The following DNAH5 variants were observed in gnomAD, a reference collection of about 807,000 sequenced individuals.
The protein encoded by DNAH5 is axonemal beta dynein heavy chain 5.
DNAH5 carries 372 observed loss-of-function variants against 518.2 expected under a neutral mutation model. The ratio of observed to expected loss-of-function variants is 0.72; its 90% CI spans 0.66 to 0.78. DNAH5 has a LOEUF of 0.78. Ranked by LOEUF, DNAH5 falls within the 30% of genes least tolerant of loss-of-function variation. DNAH5 has a pLI of 0.00. For missense variants in DNAH5, 5,523 were observed against 5,687.0 expected (o/e 0.97, Z 0.93); for synonymous variants, 2,039 against 2,025.9 (o/e 1.01, Z -0.17).
In DNAH5 at chr5:13,796,291, T is replaced by C. The variant is rs554721894; in HGVS notation, c.7888-2233A>G. On this transcript the variant is annotated intron_variant, in intron 47 of 78. Transcript: ENST00000265104. Reference sequence around the variant, plus strand: ...GTTTGCAGATGACATGGTTGTATATTTAGAAAACACCATTGTCTCAGCCCA... The same window carrying C: ...GTTTGCAGATGACATGGTTGTATATCTAGAAAACACCATTGTCTCAGCCCA... Among the ~76,000 whole-genome samples the C allele has an allele frequency of 1.1e-4, 16 of 152,234 alleles. 1 individual carries two copies. The South Asian group carries it at 2.9e-3, about 28-fold the overall frequency.
intron 63 of DNAH5, among the ~76,000 whole-genome samples, 187 bp downstream of exon 63, chr5:13,753,046 C>G (rs1173129419): frequency 6.6e-6 from 1 of 152,214 alleles, no homozygotes; most frequent in Non-Finnish European, 1.5e-5. Context: ...GAGATCAACA[C>G]AAATGCAAAT....
Position 13,824,199 on chromosome 5 carries a change from C to T in DNAH5, c.6579G>A (p.Leu2193=), listed in dbSNP as rs752109545. 1.2e-6 allele frequency: 2 copies of T among 1,613,750 alleles called. No homozygotes were observed. The highest frequency in any genetic ancestry group is 2.2e-5 in the South Asian group (2 of 91,062). The part of the protein sequence containing the change: ...RVLRDMNLSK[L]IDEDEPLFLS... Reference sequence around the variant, plus strand: ...GAACACTTCCATCTGTGAGTCTTACCAGTTTAGAAAGATTCATGTCCCGTA... The same window carrying T: ...GAACACTTCCATCTGTGAGTCTTACTAGTTTAGAAAGATTCATGTCCCGTA... Residue 2193 remains leucine, a splice_region_variant and synonymous_variant, in exon 39 of 79, where the codon CTG becomes CTA. Coordinates refer to ENST00000265104, the MANE Select transcript of DNAH5 (RefSeq NM_001369.3).
chr5:13,720,995 C>G lies in DNAH5; in HGVS notation c.12279+5G>C. 6.2e-7 allele frequency: 1 copy of G among 1,614,082 alleles called. No individual in the cohort carries two copies. The highest frequency in any genetic ancestry group is 8.5e-7 in the Non-Finnish European group (1 of 1,179,964). ...ATGGCACAAAAGTAGACTATTCAGC[C>G]TTACGTTCGCCATGGTCTGCTGCAA... On this transcript the variant is annotated splice_donor_5th_base_variant and intron_variant, in intron 71 of 78. Coordinates refer to ENST00000265104, the MANE Select transcript of DNAH5 (RefSeq NM_001369.3).
intron 52 of DNAH5, among the ~76,000 whole-genome samples, chr5:13,782,616 C>T (rs918969942): frequency 2.6e-5 from 4 of 152,150 alleles, no homozygotes; most frequent in African/African-American, 9.7e-5. Flanking sequence ...TCCTTGGTTG[C>T]CACTTTTCAA....
At chr5:13,802,411 A>G (rs1487331699) in intron 47 of DNAH5, among the ~76,000 whole-genome samples, 2 of 152,200 alleles carry the variant, frequency 1.3e-5, no homozygotes, top group Non-Finnish European at 2.9e-5. Context: ...TAGACAACTC[A>G]GCTTTTATAA....
chr5:13,859,484 C>G lies in DNAH5; in HGVS notation c.4918G>C (p.Val1640Leu). The change falls in exon 30 of 79, where the codon GTG becomes CTG. Residue 1640 changes from valine to leucine, a missense_variant. By Grantham distance (32) the Val-to-Leu change is conservative. This residue lies in a region of DNAH5 where 5,121 missense variants were observed against 5,223.3 expected (regional missense o/e 0.98). Transcript: ENST00000265104. ...AGCTGCTTGGCAATGTCTCCTCCCACAAAGACAGCTTCTAAATAAATCCAC... is the reference window on the plus strand; with the variant it reads ...AGCTGCTTGGCAATGTCTCCTCCCAGAAAGACAGCTTCTAAATAAATCCAC... Reference protein sequence around the residue: ...NLWIYLEAVFVGGDIAKQLPK... With the variant: ...NLWIYLEAVFLGGDIAKQLPK... 1 of 1,614,086 alleles carries G rather than the reference C, an allele frequency of 6.2e-7. No homozygotes were observed. The highest frequency in any genetic ancestry group is 2.2e-5 in the East Asian group (1 of 44,872).
At position 13,914,728 on chromosome 5, in the gene DNAH5, T is replaced by C; in HGVS notation, c.1198-86A>G. ...CTAGAAGGTCCTTAACTCTTCTACT[T>C]CTCAGAGTTCACAATCTTCTAACTT... On this transcript the variant is annotated intron_variant, in intron 9 of 78. Coordinates refer to ENST00000265104, the MANE Select transcript of DNAH5 (RefSeq NM_001369.3). 3.0e-6 allele frequency: 4 copies of C among 1,338,974 alleles called. No individual in the cohort carries two copies. The South Asian group carries it at 4.9e-5, about 17-fold the overall frequency. The allele number at this position is 1,338,974 out of a possible 1,614,324, so 82.9% of individuals were successfully genotyped here. A position where few individuals can be genotyped will look rare whatever the true frequency, so the allele number is the denominator to read the frequency against.
In DNAH5 at chr5:13,690,399, T is replaced by A. The variant is rs1371305677; in HGVS notation, c.*1585A>T. Reference sequence around the variant, plus strand: ...TACTTGCTTTTCAAAATGAAATGATTGTTTCACCACAATTCACACAAATCA... The same window carrying A: ...TACTTGCTTTTCAAAATGAAATGATAGTTTCACCACAATTCACACAAATCA... On this transcript the variant is annotated 3_prime_UTR_variant, in exon 79 of 79. Coordinates refer to ENST00000265104, the MANE Select transcript of DNAH5 (RefSeq NM_001369.3). 1 of 152,226 alleles carries A rather than the reference T, an allele frequency of 6.6e-6. No homozygotes were observed. The highest frequency in any genetic ancestry group is 1.5e-5 in the Non-Finnish European group (1 of 68,042). 9.4% of individuals were successfully genotyped at this position (152,226 alleles called of 1,614,324 possible). A position where few individuals can be genotyped will look rare whatever the true frequency, so the allele number is the denominator to read the frequency against.
At chr5:13,766,617 C>T (rs1326148351) in intron 58 of DNAH5, among the ~76,000 whole-genome samples, 1 of 152,212 alleles carries the variant, frequency 6.6e-6, no homozygotes, top group African/African-American at 2.4e-5. Context: ...AGGCTCGTCA[C>T]TGTGGACTGA....
At chr5:13,843,054 G>A (rs1765500245) in intron 32 of DNAH5, among the ~76,000 whole-genome samples, 1 of 152,142 alleles carries the variant, frequency 6.6e-6, no homozygotes, top group South Asian at 2.1e-4. Flanking sequence ...CGAAACATCA[G>A]AAAGAATTTT....
chr5:13,972,531 C>T (rs1314786861), intron 1 of DNAH5, among the ~76,000 whole-genome samples: 2 of 152,194 alleles, frequency 1.3e-5, no homozygotes, highest in Admixed American at 6.5e-5. Context: ...GCTTCCTCTA[C>T]CTCTGCATTT....
intron 35 of DNAH5, among the ~76,000 whole-genome samples, chr5:13,837,314 C>T (rs561291026): frequency 8.5e-4 from 129 of 152,198 alleles, no homozygotes; most frequent in African/African-American, 2.8e-3. Context: ...TTGAAGGGAG[C>T]ATGGAGTGGG....
chr5:13,974,902 G>A (rs1212330856), intron 1 of DNAH5, among the ~76,000 whole-genome samples: 1 of 152,166 alleles, frequency 6.6e-6, no homozygotes, highest in African/African-American at 2.4e-5. Context: ...TGGCCAGGAG[G>A]CTGGTAAGGC....
At chr5:13,710,488 C>G (rs1344661792) in intron 75 of DNAH5, among the ~76,000 whole-genome samples, 2 of 152,038 alleles carry the variant, frequency 1.3e-5, no homozygotes, top group Non-Finnish European at 2.9e-5. Context: ...TAACCAAGAT[C>G]AGAGCAGAAC....
intron 65 of DNAH5, among the ~76,000 whole-genome samples, chr5:13,743,408 T>A (rs1748881674): frequency 1.3e-5 from 2 of 151,994 alleles, no homozygotes; most frequent in South Asian, 2.1e-4. Flanking sequence ...TTCAGGACAC[T>A]GGTCTGGGAA....
At chr5:13,878,771 G>T (rs1210564099) in intron 21 of DNAH5, among the ~76,000 whole-genome samples, 1 of 152,144 alleles carries the variant, frequency 6.6e-6, no homozygotes, top group Non-Finnish European at 1.5e-5. Context: ...CAGTTATCTC[G>T]CCAGAATCAG....
At chr5:13,950,855 G>GA (rs940773738) in intron 1 of DNAH5, among the ~76,000 whole-genome samples, 8 of 147,780 alleles carry the variant, frequency 5.4e-5, no homozygotes, top group South Asian at 4.3e-4. Flanking sequence ...ATAGAACCAA[G>GA]AAAAAAAAAA....
chr5:13,872,089 G>A (rs915469336), intron 22 of DNAH5, among the ~76,000 whole-genome samples: 2 of 152,144 alleles, frequency 1.3e-5, no homozygotes, highest in Non-Finnish European at 2.9e-5. Flanking sequence ...CACAGCTCAA[G>A]CTCACACTAC....
At position 13,841,593 on chromosome 5, in the gene DNAH5, G is replaced by C. The variant is rs1029514980; in HGVS notation, c.5484+99C>G. The C allele has an allele frequency of 8.7e-6, 8 of 914,674 alleles. 1 individual carries two copies. The highest frequency in any genetic ancestry group is 2.4e-4 in the Middle Eastern group (1 of 4,090). The allele number at this position is 914,674 out of a possible 1,614,324, so 56.7% of individuals were successfully genotyped here. On this transcript the variant is annotated intron_variant, in intron 33 of 78. Coordinates refer to ENST00000265104, the MANE Select transcript of DNAH5 (RefSeq NM_001369.3). ...TTATGAAAATCTTAATACTGGTCTA[G>C]AGTTAAATTATAGCCATTTTTGAAG...
Sources: allele counts gnomAD v4.1 joint callset (sites outside exome capture counted in the v4.1 genomes callset), GRCh38; gene constraint gnomAD v4.1.1; regional missense constraint gnomAD v4.1.1; transcripts MANE v1.5; gene names NCBI Gene and HGNC (gene_info 2026-07-23, HGNC 2026-07-21).